TRIM9: variants seen among roughly 807,000 people sequenced by gnomAD.
The protein encoded by TRIM9 is E3 ubiquitin-protein ligase TRIM9.
A neutral mutation model predicts 78.3 loss-of-function variants in TRIM9; 26 were observed. The observed-to-expected ratio is 0.33, with a 90% CI of 0.24 to 0.46. TRIM9 has a LOEUF of 0.46. Among genes scored for constraint, TRIM9 ranks in the 20% least tolerant of loss-of-function variants. TRIM9 has a pLI of 1.00. For missense variants in TRIM9, 787 were observed against 1,036.4 expected (o/e 0.76, Z 3.30); for synonymous variants, 398 against 416.5 (o/e 0.96, Z 0.54).
At chr14:51,060,875 G>T (rs2061302344) in intron 1 of TRIM9, among the ~76,000 whole-genome samples, 4 of 152,098 alleles carry the variant, frequency 2.6e-5, no homozygotes, top group Admixed American at 2.0e-4. Flanking sequence ...AAAATTGTCA[G>T]CTTTCCAAAA....
intron 1 of TRIM9, among the ~76,000 whole-genome samples, chr14:51,035,506 AT>A: frequency 6.6e-6 from 1 of 152,326 alleles, no homozygotes; most frequent in South Asian, 2.1e-4. Flanking sequence ...AAAAAACACT[AT>A]TTGTAGAACT....
At chr14:50,997,875 C>T in intron 7 of TRIM9, 175 bp downstream of exon 7, 1 of 1,436,744 alleles carries the variant, frequency 7.0e-7, no homozygotes, top group Non-Finnish European at 9.1e-7. Flanking sequence ...TGATCACATC[C>T]ACATACCATA....
In TRIM9 at chr14:50,981,836, C is replaced by T. The variant is rs759860492; in HGVS notation, c.2126G>A (p.Arg709Gln). The change falls in exon 11 of 13, where the codon CGG becomes CAG. Residue 709 changes from arginine to glutamine, a missense_variant. Physicochemically the swap from Arg to Gln is conservative, Grantham distance 43 (BLOSUM62 1). Around this residue, in one of 3 missense-constraint regions of TRIM9, gnomAD observed 421 missense variants for 514.3 expected, o/e 0.82. Transcript: ENST00000684578. ...CGAGTTGTTGTGCATGAACCAGCTCCGGTTATTGTCCACATACATTGCCCA... is the reference window on the plus strand; with the variant it reads ...CGAGTTGTTGTGCATGAACCAGCTCTGGTTATTGTCCACATACATTGCCCA... ...KAWAMYVDNN[R>Q]SWFMHNNSHT... 39 of 1,614,170 alleles carry T rather than the reference C, an allele frequency of 2.4e-5. No individual in the cohort carries two copies. Among genetic ancestry groups the T allele is most frequent in the South Asian group, 8.8e-5 (8 of 91,084 alleles).
intron 1 of TRIM9, among the ~76,000 whole-genome samples, chr14:51,063,026 C>G (rs1004304729): frequency 3.9e-5 from 6 of 151,900 alleles, no homozygotes; most frequent in Non-Finnish European, 7.4e-5. Context: ...ACAGAAACAC[C>G]CTGAGATGAG....
At chr14:51,072,417 A>T (rs2062371276) in intron 1 of TRIM9, among the ~76,000 whole-genome samples, 1 of 152,218 alleles carries the variant, frequency 6.6e-6, no homozygotes, top group Admixed American at 6.5e-5. Context: ...GGATTAACAG[A>T]CTGCATCCAG....
intron 1 of TRIM9, among the ~76,000 whole-genome samples, chr14:51,078,453 A>G (rs2063000824): frequency 6.6e-6 from 1 of 152,194 alleles, no homozygotes; most frequent in African/African-American, 2.4e-5. Flanking sequence ...ACCAACAGAC[A>G]AACAGATAAA....
At chr14:51,017,320 G>T (rs991446646) in intron 3 of TRIM9, among the ~76,000 whole-genome samples, 1 of 152,094 alleles carries the variant, frequency 6.6e-6, no homozygotes, top group African/African-American at 2.4e-5. Context: ...GAGGCTTTGC[G>T]GTTTTAATCG....
intron 1 of TRIM9, among the ~76,000 whole-genome samples, chr14:51,030,600 TGA>T (rs2058641383): frequency 6.6e-6 from 1 of 152,030 alleles, no homozygotes; most frequent in Non-Finnish European, 1.5e-5. Flanking sequence ...TGTGTGTGTA[TGA>T]GTGTGCATAT....
chr14:51,011,288 A>G (rs1427189650), intron 3 of TRIM9, among the ~76,000 whole-genome samples: 1 of 152,158 alleles, frequency 6.6e-6, no homozygotes, highest in Admixed American at 6.5e-5. Flanking sequence ...ACATTCCTTG[A>G]ACAGTTTTTT....
intron 7 of TRIM9, among the ~76,000 whole-genome samples, chr14:50,990,950 C>G (rs1465299900): frequency 6.6e-6 from 1 of 152,232 alleles, no homozygotes; most frequent in East Asian, 1.9e-4. Flanking sequence ...ACAATTATGT[C>G]CAACTGGTAC....
intron 1 of TRIM9, among the ~76,000 whole-genome samples, chr14:51,078,738 C>T (rs2063035664): frequency 6.6e-6 from 1 of 151,978 alleles, no homozygotes; most frequent in Non-Finnish European, 1.5e-5. Flanking sequence ...TAGTGGTTAC[C>T]ATGGTGGGGA....
intron 1 of TRIM9, among the ~76,000 whole-genome samples, chr14:51,058,577 G>A (rs1316900798): frequency 6.6e-6 from 1 of 152,158 alleles, no homozygotes; most frequent in Non-Finnish European, 1.5e-5. Context: ...TGTTCCCACT[G>A]TGGTAGTGAG....
chr14:50,987,671 T>A (rs1453924631), intron 7 of TRIM9, among the ~76,000 whole-genome samples: 1 of 152,192 alleles, frequency 6.6e-6, no homozygotes, highest in Admixed American at 6.5e-5. Context: ...GAAATTAGCC[T>A]TTGAGTGTAA....
At chr14:51,089,087 T>C (rs998916998) in intron 1 of TRIM9, 2 of 152,190 alleles carry the variant, frequency 1.3e-5, no homozygotes, top group East Asian at 1.9e-4. Context: ...TACTGGAGCA[T>C]AGTCCAACCT....
At chr14:51,094,097 G>A in intron 1 of TRIM9, 21 bp downstream of exon 1, 1 of 1,594,616 alleles carries the variant, frequency 6.3e-7, no homozygotes, top group Non-Finnish European at 8.6e-7. Context: ...GGAGTTAGGA[G>A]TGGGTTTTCT....
chr14:51,057,831 C>T (rs1340666452), intron 1 of TRIM9, among the ~76,000 whole-genome samples: 1 of 152,096 alleles, frequency 6.6e-6, no homozygotes, highest in Non-Finnish European at 1.5e-5. Context: ...TGAAAACATT[C>T]ATATAAGAAA....
intron 3 of TRIM9, among the ~76,000 whole-genome samples, chr14:51,021,021 G>A (rs1596193439): frequency 6.6e-6 from 1 of 152,214 alleles, no homozygotes. Flanking sequence ...ACTATTTAGC[G>A]GGGAAAACTG....
intron 7 of TRIM9, 158 bp from the exon 8 acceptor site, chr14:50,986,302 G>A (rs962989040): frequency 3.7e-5 from 21 of 562,906 alleles, no homozygotes; most frequent in African/African-American, 2.3e-4. Context: ...GTGCCTGGGG[G>A]CAGGGAGGGA....
In TRIM9 at chr14:51,006,939, C is replaced by T. The variant is rs74055306; in HGVS notation, c.1306+2141G>A. On this transcript the variant is annotated intron_variant, in intron 5 of 12. Coordinates refer to ENST00000684578, the MANE Select transcript of TRIM9 (RefSeq NM_001387360.1). ...GTCTGTGATGCAGAGAGCATGAACT[C>T]GCAGTTCCCATACCCAGTGAAGGGC... 2.0e-3 allele frequency among the ~76,000 whole-genome samples: 299 copies of T among 152,284 alleles called. 1 individual carries two copies. Among genetic ancestry groups the T allele is most frequent in the African/African-American group, 6.7e-3 (279 of 41,552 alleles).
Sources: gnomAD v4.1 joint callset for allele counts (sites outside exome capture counted in the v4.1 genomes callset) on GRCh38, gnomAD v4.1.1 for gene constraint, gnomAD v4.1.1 regional missense constraint, MANE v1.5 for transcripts, NCBI Gene and HGNC (gene_info 2026-07-23, HGNC 2026-07-21) for gene names.